SLC7A14: variants seen among roughly 807,000 people sequenced by gnomAD.
SLC7A14 encodes the protein gamma-aminobutyric acid transporter SLC7A14.
In SLC7A14, 37 loss-of-function variants were observed where a neutral mutation model predicts 60.2. That is an observed-to-expected ratio of 0.61 (90% CI 0.47 to 0.81). The LOEUF (loss-of-function observed/expected upper bound fraction) is 0.81, where lower values mean the gene tolerates loss of function less well. Ranked by LOEUF, SLC7A14 falls within the 30% of genes least tolerant of loss-of-function variation. The pLI is 0.00. For missense variants in SLC7A14, 886 were observed against 982.7 expected, an observed-to-expected ratio of 0.90 and a Z score of 1.32; for synonymous variants, 399 against 395.8, an observed-to-expected ratio of 1.01 and a Z score of -0.10.
Position 170,478,298 on chromosome 3 carries a change from G to A in SLC7A14, c.1993+1991C>T, listed in dbSNP as rs113651728. The stretch of plus-strand genomic sequence containing the variant: ...TTGCCATGTAGGCCAGGCTAGTCTC[G>A]AACTCCTAAACTCAGGTGATCTGCC... On this transcript the variant is annotated intron_variant, in intron 7 of 7. Transcript: ENST00000231706. Among the ~76,000 whole-genome samples the A allele has an allele frequency of 1.7e-3, 265 of 152,146 alleles. 3 individuals carry two copies. Among genetic ancestry groups the A allele is most frequent in the African/African-American group, 6.0e-3 (250 of 41,490 alleles).
At chr3:170,510,558 A>T (rs1457868585) in intron 2 of SLC7A14, among the ~76,000 whole-genome samples, 2 of 152,188 alleles carry the variant, frequency 1.3e-5, no homozygotes, top group Admixed American at 6.5e-5. Context: ...GCTATTGTTA[A>T]TAATCATCAT....
intron 2 of SLC7A14, among the ~76,000 whole-genome samples, chr3:170,510,127 C>T (rs144083999): frequency 0.012 from 1,679 of 142,530 alleles, 16 homozygotes; most frequent in Admixed American, 0.019. Flanking sequence ...TGGTGACTCA[C>T]GCCTGTAATC....
At chr3:170,491,011 C>T (rs572593874) in intron 4 of SLC7A14, among the ~76,000 whole-genome samples, 1 of 152,304 alleles carries the variant, frequency 6.6e-6, no homozygotes, top group Admixed American at 6.5e-5. Context: ...TTCTACTCCC[C>T]TACCTTCCTC....
At chr3:170,537,236 A>G (rs1193288198) in intron 1 of SLC7A14, among the ~76,000 whole-genome samples, 1 of 152,174 alleles carries the variant, frequency 6.6e-6, no homozygotes, top group African/African-American at 2.4e-5. Context: ...TCCAGCCTCT[A>G]GAATTTAGAG....
chr3:170,538,418 A>G (rs1291462763), intron 1 of SLC7A14, among the ~76,000 whole-genome samples: 1 of 152,178 alleles, frequency 6.6e-6, no homozygotes, highest in Admixed American at 6.5e-5. Flanking sequence ...TTCTGTTTTT[A>G]AAAGAGTCTG....
intron 5 of SLC7A14, among the ~76,000 whole-genome samples, chr3:170,484,460 C>T (rs922442072): frequency 2.6e-5 from 4 of 152,326 alleles, no homozygotes; most frequent in African/African-American, 9.6e-5. Flanking sequence ...ATTGATCTGC[C>T]TAACATCCCT....
chr3:170,517,935 A>G (rs1035440439), intron 2 of SLC7A14, among the ~76,000 whole-genome samples: 1 of 152,220 alleles, frequency 6.6e-6, no homozygotes, highest in Non-Finnish European at 1.5e-5. Flanking sequence ...AATCAATGGG[A>G]ACTGATCACA....
At chr3:170,538,888 T>C (rs551999657) in intron 1 of SLC7A14, among the ~76,000 whole-genome samples, 23 of 152,340 alleles carry the variant, frequency 1.5e-4, no homozygotes, top group African/African-American at 5.3e-4. Flanking sequence ...CTATTCACAT[T>C]TCCATGTTCC....
intron 1 of SLC7A14, among the ~76,000 whole-genome samples, chr3:170,544,375 C>T (rs1714115729): frequency 6.6e-6 from 1 of 152,122 alleles, no homozygotes; most frequent in Non-Finnish European, 1.5e-5. Context: ...AGAAGAGCCT[C>T]TTTTTGGGAG....
At chr3:170,527,387 A>G (rs556968704) in intron 1 of SLC7A14, among the ~76,000 whole-genome samples, 2 of 152,308 alleles carry the variant, frequency 1.3e-5, no homozygotes, top group South Asian at 2.1e-4. Context: ...CAGCTGTCCA[A>G]TGGGACAATA....
At chr3:170,491,010 C>A (rs1296430434) in intron 4 of SLC7A14, among the ~76,000 whole-genome samples, 1 of 152,126 alleles carries the variant, frequency 6.6e-6, no homozygotes, top group African/African-American at 2.4e-5. Flanking sequence ...CTTCTACTCC[C>A]CTACCTTCCT....
At chr3:170,482,636 T>C (rs1711870905) in intron 6 of SLC7A14, among the ~76,000 whole-genome samples, 1 of 152,176 alleles carries the variant, frequency 6.6e-6, no homozygotes, top group Non-Finnish European at 1.5e-5. Context: ...ACTGCCAATA[T>C]ATTGGTGTGG....
chr3:170,523,541 T>C (rs868855819), intron 2 of SLC7A14, among the ~76,000 whole-genome samples: 4 of 152,180 alleles, frequency 2.6e-5, no homozygotes, highest in Non-Finnish European at 5.9e-5. Context: ...CTTAACCCCA[T>C]TACTTTTTTC....
At chr3:170,546,342 G>T (rs1577552470) in intron 1 of SLC7A14, among the ~76,000 whole-genome samples, 1 of 152,122 alleles carries the variant, frequency 6.6e-6, no homozygotes, top group African/African-American at 2.4e-5. Context: ...CAGAGAAAGG[G>T]CATTTGTGTT....
chr3:170,462,986 G>A lies in SLC7A14; in HGVS notation c.*4069C>T, dbSNP rs1056256301. 3 of 152,074 alleles carry A rather than the reference G, an allele frequency of 2.0e-5. No individual in the cohort carries two copies. The highest frequency in any genetic ancestry group is 4.4e-5 in the Non-Finnish European group (3 of 68,004). 9.4% of individuals were successfully genotyped at this position (152,074 alleles called of 1,614,324 possible). On this transcript the variant is annotated 3_prime_UTR_variant, in exon 8 of 8. Transcript: ENST00000231706. ...TGTTAAATCAATTTGGAGTGTATAT[G>A]TGGCTTGTTAGTTCCTTGCATAGGT...
chr3:170,478,297 C>T (rs1034480484), intron 7 of SLC7A14, among the ~76,000 whole-genome samples: 21 of 152,098 alleles, frequency 1.4e-4, no homozygotes, highest in Admixed American at 4.6e-4. Flanking sequence ...AGGCTAGTCT[C>T]GAACTCCTAA....
intron 1 of SLC7A14, among the ~76,000 whole-genome samples, chr3:170,542,748 A>AT (rs1355250879): frequency 6.6e-6 from 1 of 152,096 alleles, no homozygotes; most frequent in African/African-American, 2.4e-5. Context: ...AGCTATTCTG[A>AT]TTTTTTCTTC....
intron 4 of SLC7A14, among the ~76,000 whole-genome samples, chr3:170,497,492 A>G (rs1470481230): frequency 6.6e-6 from 1 of 152,230 alleles, no homozygotes; most frequent in Non-Finnish European, 1.5e-5. Context: ...ATCCCTGGAC[A>G]TGTTGGAGAA....
At chr3:170,543,751 CTTTT>C (rs1177925466) in intron 1 of SLC7A14, among the ~76,000 whole-genome samples, 3 of 136,740 alleles carry the variant, frequency 2.2e-5, no homozygotes, top group Admixed American at 7.4e-5. Flanking sequence ...TTCTTTCTTT[CTTTT>C]TTTTTTTTTT....
Sources: gnomAD v4.1 joint callset for allele counts (sites outside exome capture counted in the v4.1 genomes callset) on GRCh38, gnomAD v4.1.1 for gene constraint, MANE v1.5 for transcripts, NCBI Gene and HGNC (gene_info 2026-07-23, HGNC 2026-07-21) for gene names.